Variants in TGFBRAP1 observed in about 807,000 individuals in gnomAD.
TGFBRAP1 encodes the protein transforming growth factor beta receptor associated protein 1, also known as transforming growth factor-beta receptor-associated protein 1.
TGFBRAP1 carries 20 observed loss-of-function variants against 83.2 expected under a neutral mutation model. That is an observed-to-expected ratio of 0.24 (90% CI 0.17 to 0.35). TGFBRAP1 has a LOEUF of 0.35. Ranked by LOEUF, TGFBRAP1 falls within the 10% of genes least tolerant of loss-of-function variation. The pLI is 1.00. For synonymous variants in TGFBRAP1, 415 were observed against 459.8 expected, an observed-to-expected ratio of 0.90 and a Z score of 1.25; for missense variants, 950 against 1,099.4, an observed-to-expected ratio of 0.86 and a Z score of 1.92.
chr2:105,262,940 T>C (rs1676824533), downstream of TGFBRAP1, among the ~76,000 whole-genome samples: 1 of 152,226 alleles, frequency 6.6e-6, no homozygotes, highest in African/African-American at 2.4e-5. Context: ...TCTAGATTCT[T>C]GTACAATTTC....
chr2:105,294,810 G>A (rs1053624863), intron 4 of TGFBRAP1, among the ~76,000 whole-genome samples: 5 of 152,214 alleles, frequency 3.3e-5, no homozygotes, highest in African/African-American at 1.2e-4. Context: ...ACACAGCATT[G>A]AAAGCCTCTG....
intron 1 of TGFBRAP1, among the ~76,000 whole-genome samples, chr2:105,311,862 C>T (rs903271324): frequency 2.0e-5 from 3 of 151,208 alleles, no homozygotes; most frequent in Admixed American, 6.6e-5. Flanking sequence ...GAGCCGAGAT[C>T]GTACCACTGC....
At chr2:105,320,695 T>C (rs188472082) in intron 1 of TGFBRAP1, among the ~76,000 whole-genome samples, 1 of 152,352 alleles carries the variant, frequency 6.6e-6, no homozygotes, top group Non-Finnish European at 1.5e-5. Context: ...CCTATTCTTA[T>C]TGTTCCATAA....
intron 4 of TGFBRAP1, among the ~76,000 whole-genome samples, 190 bp downstream of exon 4, chr2:105,296,166 A>G (rs1440494207): frequency 6.6e-6 from 1 of 152,224 alleles, no homozygotes; most frequent in Non-Finnish European, 1.5e-5. Context: ...CTCAGTCACA[A>G]GCTGTTTGAC....
intron 8 of TGFBRAP1, among the ~76,000 whole-genome samples, chr2:105,274,672 C>A (rs150692498): frequency 6.6e-6 from 1 of 152,132 alleles, no homozygotes; most frequent in African/African-American, 2.4e-5. Context: ...GCTCTGCAGG[C>A]GTGTGCACAG....
intron 1 of TGFBRAP1, among the ~76,000 whole-genome samples, chr2:105,312,227 CCAGG>C (rs1181352343): frequency 1.3e-5 from 2 of 151,670 alleles, no homozygotes; most frequent in African/African-American, 2.4e-5. Flanking sequence ...TTTGAGAGGC[CCAGG>C]CAGGAAGATC....
chr2:105,296,314 G>A (rs1420150687), intron 4 of TGFBRAP1, 42 bp downstream of exon 4: 2 of 1,609,244 alleles, frequency 1.2e-6, no homozygotes, highest in Non-Finnish European at 1.7e-6. Flanking sequence ...TCCTCTAACT[G>A]GTGACTTAGA....
At chr2:105,261,667 G>A (rs755262401), downstream of TGFBRAP1, among the ~76,000 whole-genome samples, 7 of 152,072 alleles carry the variant, frequency 4.6e-5, no homozygotes, top group East Asian at 5.8e-4. Flanking sequence ...CAGGAGAATC[G>A]CTTGAACCCG....
intron 1 of TGFBRAP1, among the ~76,000 whole-genome samples, chr2:105,308,654 T>C (rs987487548): frequency 7.2e-5 from 11 of 151,900 alleles, no homozygotes; most frequent in African/African-American, 2.7e-4. Flanking sequence ...AGAAGACAAA[T>C]GCATGCATTC....
Position 105,308,904 on chromosome 2 carries a change from C to T in TGFBRAP1, c.-17-586G>A, listed in dbSNP as rs571131468. ...CAGGATCCTGCCAGGAACACCGAGGCAGACGCCAGGCCTTGGATTCCTTTG... is the reference window on the plus strand; with the variant it reads ...CAGGATCCTGCCAGGAACACCGAGGTAGACGCCAGGCCTTGGATTCCTTTG... On this transcript the variant is annotated intron_variant, in intron 1 of 11. Transcript: ENST00000393359. Among the ~76,000 whole-genome samples the T allele has an allele frequency of 9.2e-5, 14 of 152,344 alleles. No homozygotes were observed. In the South Asian group the frequency reaches 2.7e-3, roughly 29 times the overall value.
At chr2:105,314,259 T>C (rs1678781306) in intron 1 of TGFBRAP1, among the ~76,000 whole-genome samples, 1 of 148,608 alleles carries the variant, frequency 6.7e-6, no homozygotes, top group Admixed American at 6.7e-5. Context: ...CTTTTTTTTT[T>C]TTTTTTTTTT....
intron 5 of TGFBRAP1, 48 bp from the exon 6 acceptor site, chr2:105,280,771 C>A: frequency 6.5e-7 from 1 of 1,541,544 alleles, no homozygotes; most frequent in South Asian, 1.2e-5. Flanking sequence ...GAGAAGAGTA[C>A]ACATAGGCAC....
At position 105,265,119 on chromosome 2, in the gene TGFBRAP1, A is replaced by G. The variant is rs917408849; in HGVS notation, c.*2264T>C. 6 of 152,246 alleles carry G rather than the reference A, an allele frequency of 3.9e-5. No homozygotes were observed. The highest frequency in any genetic ancestry group is 1.4e-4 in the African/African-American group (6 of 41,458). 9.4% of individuals were successfully genotyped at this position (152,246 alleles called of 1,614,324 possible). On this transcript the variant is annotated 3_prime_UTR_variant, in exon 12 of 12. Transcript: ENST00000393359. ...AAACTGCTCAACTTTAATTCCCATT[A>G]TTCTAAAGGATGACAAACATTTTAG...
chr2:105,268,620 T>G (rs866113064), intron 11 of TGFBRAP1, among the ~76,000 whole-genome samples: 1 of 152,130 alleles, frequency 6.6e-6, no homozygotes, highest in Non-Finnish European at 1.5e-5. Flanking sequence ...GGGAGGGATA[T>G]GCTGAAGGAG....
At position 105,307,788 on chromosome 2, in the gene TGFBRAP1, C is replaced by A. The variant is rs1476980816; in HGVS notation, c.514G>T (p.Ala172Ser). ...KEVSTAEQPL[A>S]VAVDGHFLCL... ...AGGAAGTGGCCGTCCACAGCCACAGCGAGGGGCTGCTCGGCAGTCGACACC... is the reference window on the plus strand; with the variant it reads ...AGGAAGTGGCCGTCCACAGCCACAGAGAGGGGCTGCTCGGCAGTCGACACC... The change falls in exon 2 of 12, where the codon GCT (alanine) becomes TCT (serine). Residue 172 changes from alanine (A) to serine (S), a missense_variant. Coordinates refer to ENST00000393359, the MANE Select transcript of TGFBRAP1 (RefSeq NM_004257.6). 1.2e-5 allele frequency: 19 copies of A among 1,614,048 alleles called. No homozygotes were observed. The highest frequency in any genetic ancestry group is 3.3e-5 in the Admixed American group (2 of 60,006).
intron 1 of TGFBRAP1, among the ~76,000 whole-genome samples, chr2:105,313,509 C>T (rs572287977): frequency 1.3e-5 from 2 of 152,166 alleles, no homozygotes; most frequent in Non-Finnish European, 2.9e-5. Flanking sequence ...TCCAATTTCA[C>T]ATAATAAATG....
At chr2:105,273,149 G>C (rs1427992244) in intron 9 of TGFBRAP1, 135 bp from the exon 10 acceptor site, 2 of 1,112,976 alleles carry the variant, frequency 1.8e-6, no homozygotes, top group Non-Finnish European at 2.5e-6. Context: ...TTGCTGGATC[G>C]AAACCCTCTC....
chr2:105,273,766 C>T (rs1677240906), intron 8 of TGFBRAP1, 76 bp from the exon 9 acceptor site: 2 of 1,537,192 alleles, frequency 1.3e-6, no homozygotes, highest in Non-Finnish European at 1.8e-6. Flanking sequence ...GGTCATTGCA[C>T]ATTCAAGCTT....
At chr2:105,275,446 CAG>C in intron 8 of TGFBRAP1, 112 bp downstream of exon 8, 12 of 1,466,246 alleles carry the variant, frequency 8.2e-6, no homozygotes, top group Non-Finnish European at 1.1e-5. Context: ...CAACAAAAAA[CAG>C]AGGAGGAGGT....
Sources: gnomAD v4.1 joint callset for allele counts (sites outside exome capture counted in the v4.1 genomes callset) on GRCh38, gnomAD v4.1.1 for gene constraint, MANE v1.5 for transcripts, NCBI Gene and HGNC (gene_info 2026-07-23, HGNC 2026-07-21) for gene names.